The following MCTP2 variants were observed in gnomAD, a reference collection of about 807,000 sequenced individuals.
The protein encoded by MCTP2 is multiple C2 and transmembrane domain-containing protein 2.
MCTP2 carries 132 observed loss-of-function variants against 111.6 expected under a neutral mutation model. The observed-to-expected ratio is 1.18, with a 90% CI of 1.03 to 1.37. The LOEUF is 1.37. Ranked by LOEUF, MCTP2 falls within the 40% of genes most tolerant of loss-of-function variation. The probability of loss-of-function intolerance (pLI) is 0.00; values close to 1 mark genes in which losing one functional copy is unlikely to be tolerated. For missense variants in MCTP2, 1,183 were observed against 1,067.9 expected (o/e 1.11, Z -1.50); for synonymous variants, 395 against 387.7 (o/e 1.02, Z -0.22).
At chr15:94,410,593 C>T (rs1055175903) in intron 17 of MCTP2, among the ~76,000 whole-genome samples, 6 of 151,922 alleles carry the variant, frequency 3.9e-5, no homozygotes, top group East Asian at 3.9e-4. Flanking sequence ...TTAATACTTC[C>T]GGTTAATGTC....
intron 17 of MCTP2, among the ~76,000 whole-genome samples, chr15:94,435,008 C>A (rs965369626): frequency 6.6e-6 from 1 of 152,044 alleles, no homozygotes; most frequent in African/African-American, 2.4e-5. Context: ...GGATTACAGG[C>A]ACATGCCACC....
At chr15:94,279,340 G>A (rs1245574803) in intron 1 of MCTP2, among the ~76,000 whole-genome samples, 2 of 151,986 alleles carry the variant, frequency 1.3e-5, no homozygotes, top group East Asian at 3.9e-4. Context: ...CACCTCCCTG[G>A]TTAGTTCATT....
intron 4 of MCTP2, among the ~76,000 whole-genome samples, chr15:94,319,713 C>T (rs2076540181): frequency 6.6e-6 from 1 of 152,176 alleles, no homozygotes; most frequent in Non-Finnish European, 1.5e-5. Flanking sequence ...GGCTTTTTCT[C>T]ATTACCTGTT....
At chr15:94,293,425 A>G (rs1208333822) in intron 1 of MCTP2, among the ~76,000 whole-genome samples, 1 of 152,266 alleles carries the variant, frequency 6.6e-6, no homozygotes, top group Non-Finnish European at 1.5e-5. Context: ...AAGTAGATAA[A>G]AAGACAGGAA....
intron 14 of MCTP2, among the ~76,000 whole-genome samples, chr15:94,390,076 A>ATATATGTG (rs2080816269): frequency 7.9e-5 from 1 of 12,636 alleles, no homozygotes. Flanking sequence ...ATATATATAT[A>ATATATGTG]TATATATATA....
chr15:94,457,904 C>T (rs2084936168), intron 19 of MCTP2, among the ~76,000 whole-genome samples: 1 of 152,136 alleles, frequency 6.6e-6, no homozygotes, highest in Non-Finnish European at 1.5e-5. Context: ...CCCTTTATCA[C>T]CTCATGGCAA....
chr15:94,362,682 G>A (rs1472364122), intron 10 of MCTP2, among the ~76,000 whole-genome samples: 1 of 152,128 alleles, frequency 6.6e-6, no homozygotes, highest in East Asian at 1.9e-4. Flanking sequence ...ACTCTTTTCT[G>A]CCCCTTGCCT....
chr15:94,440,173 C>A lies in MCTP2; in HGVS notation c.2086-3C>A, dbSNP rs752884249. 10 of 1,613,422 alleles carry A rather than the reference C, an allele frequency of 6.2e-6. No individual in the cohort carries two copies. The highest frequency in any genetic ancestry group is 8.5e-6 in the Non-Finnish European group (10 of 1,179,742). ...CGTGTATTCTTATTTGTCTTTCAAT[C>A]AGGTATTTTTGATCACTGTCTGGAA... On this transcript the variant is annotated splice_region_variant and splice_polypyrimidine_tract_variant and intron_variant, in intron 17 of 22. Transcript: ENST00000357742.
chr15:94,473,956 ATT>A (rs35338578), intron 21 of MCTP2, among the ~76,000 whole-genome samples: 57 of 150,730 alleles, frequency 3.8e-4, no homozygotes, highest in East Asian at 9.7e-4. Context: ...TCTCCAAGTG[ATT>A]TTTTTTTTTT....
At chr15:94,422,898 GT>G (rs1473446357) in intron 17 of MCTP2, among the ~76,000 whole-genome samples, 1 of 152,000 alleles carries the variant, frequency 6.6e-6, no homozygotes, top group Non-Finnish European at 1.5e-5. Context: ...TTTCCACTAT[GT>G]TGCCCAGGCT....
chr15:94,457,620 A>G (rs572833290), intron 19 of MCTP2, among the ~76,000 whole-genome samples: 4 of 152,288 alleles, frequency 2.6e-5, no homozygotes, highest in African/African-American at 9.6e-5. Flanking sequence ...CAAAGGATGG[A>G]TGAAATGTCA....
chr15:94,303,337 T>TAC (rs2075734156), intron 2 of MCTP2, among the ~76,000 whole-genome samples: 1 of 151,746 alleles, frequency 6.6e-6, no homozygotes, highest in South Asian at 2.1e-4. Context: ...GAGAAAGGTG[T>TAC]AGGCTGGGAG....
intron 21 of MCTP2, among the ~76,000 whole-genome samples, chr15:94,472,634 G>C (rs1356430695): frequency 1.3e-5 from 2 of 152,188 alleles, no homozygotes; most frequent in East Asian, 3.9e-4. Context: ...GTAACCCTCT[G>C]AGCTTTGTAC....
chr15:94,449,077 C>T (rs982968661), intron 19 of MCTP2, among the ~76,000 whole-genome samples: 4 of 152,026 alleles, frequency 2.6e-5, no homozygotes, highest in African/African-American at 9.7e-5. Flanking sequence ...TTTACTGTGA[C>T]TCACCCAATT....
intron 12 of MCTP2, among the ~76,000 whole-genome samples, chr15:94,378,185 G>A (rs969871880): frequency 6.6e-6 from 1 of 152,154 alleles, no homozygotes; most frequent in Non-Finnish European, 1.5e-5. Flanking sequence ...TGATGATATT[G>A]TTGAGGGGCT....
intron 17 of MCTP2, among the ~76,000 whole-genome samples, chr15:94,424,441 C>G (rs916679320): frequency 4.6e-5 from 7 of 152,100 alleles, no homozygotes; most frequent in African/African-American, 1.7e-4. Context: ...CATCTGAAAA[C>G]TTTTCAGGAA....
chr15:94,379,276 G>A (rs926982743), intron 12 of MCTP2, among the ~76,000 whole-genome samples: 1 of 152,056 alleles, frequency 6.6e-6, no homozygotes, highest in African/African-American at 2.4e-5. Context: ...GGTAGATAAG[G>A]ATGGGTTATG....
intron 1 of MCTP2, among the ~76,000 whole-genome samples, chr15:94,270,503 G>A (rs980061157): frequency 6.6e-6 from 1 of 152,080 alleles, no homozygotes. Context: ...GGCCTACATG[G>A]ACCTGTCCAA....
intron 14 of MCTP2, 125 bp downstream of exon 14, chr15:94,385,650 G>A (rs527525520): frequency 2.2e-4 from 151 of 674,988 alleles, no homozygotes; most frequent in Admixed American, 3.6e-4. Context: ...AGCAGGAAAC[G>A]ACTGTTTTAT....
Sources: gnomAD v4.1 joint callset for allele counts (sites outside exome capture counted in the v4.1 genomes callset) on GRCh38, gnomAD v4.1.1 for gene constraint, MANE v1.5 for transcripts, NCBI Gene and HGNC (gene_info 2026-07-23, HGNC 2026-07-21) for gene names.